The following ARHGAP44 variants were observed in gnomAD, a reference collection of about 807,000 sequenced individuals.
The protein encoded by ARHGAP44 is rho GTPase-activating protein 44.
Under a neutral mutation model 106.8 loss-of-function variants are expected in ARHGAP44, and 43 were observed. The observed-to-expected ratio is 0.40, with a 90% confidence interval of 0.32 to 0.52. The LOEUF is 0.52. ARHGAP44 is among the 20% of genes least tolerant of loss of function. The probability of loss-of-function intolerance (pLI) is 0.48; values close to 1 mark genes in which losing one functional copy is unlikely to be tolerated. For synonymous variants in ARHGAP44, 439 were observed against 410.3 expected (o/e 1.07, Z -0.85); for missense variants, 866 against 1,050.5 (o/e 0.82, Z 2.43).
At chr17:12,811,095 G>A (rs527500407) in intron 1 of ARHGAP44, among the ~76,000 whole-genome samples, 205 of 152,094 alleles carry the variant, frequency 1.3e-3, no homozygotes, top group Non-Finnish European at 2.3e-3. Context: ...GGCGGATCAC[G>A]AGGTCAGGAG....
At chr17:12,893,608 T>TGAGG (rs1275871909) in intron 1 of ARHGAP44, among the ~76,000 whole-genome samples, 3 of 152,178 alleles carry the variant, frequency 2.0e-5, no homozygotes, top group African/African-American at 7.2e-5. Flanking sequence ...CCCACACTGA[T>TGAGG]GAGGGGTACG....
chr17:12,967,142 C>T (rs1475682746), intron 16 of ARHGAP44, among the ~76,000 whole-genome samples: 2 of 136,406 alleles, frequency 1.5e-5, no homozygotes, highest in Non-Finnish European at 3.1e-5. Flanking sequence ...CTTTGTTTCT[C>T]TTTAATTTTT....
intron 7 of ARHGAP44, among the ~76,000 whole-genome samples, chr17:12,931,625 T>C (rs1035317146): frequency 6.6e-6 from 1 of 151,782 alleles, no homozygotes; most frequent in Non-Finnish European, 1.5e-5. Flanking sequence ...GCCTCCCAAG[T>C]AGCTGGGACT....
At chr17:12,905,720 A>G (rs1049513427) in intron 3 of ARHGAP44, among the ~76,000 whole-genome samples, 1 of 152,184 alleles carries the variant, frequency 6.6e-6, no homozygotes, top group African/African-American at 2.4e-5. Context: ...ACTATAGGCA[A>G]ATCCTCTCTT....
At chr17:12,806,533 A>G (rs1039850796) in intron 1 of ARHGAP44, among the ~76,000 whole-genome samples, 2 of 152,164 alleles carry the variant, frequency 1.3e-5, no homozygotes, top group East Asian at 3.9e-4. Context: ...CACCCTACTT[A>G]TAAGACATGG....
At chr17:12,913,283 A>G (rs962798088) in intron 4 of ARHGAP44, among the ~76,000 whole-genome samples, 4 of 152,202 alleles carry the variant, frequency 2.6e-5, no homozygotes, top group Non-Finnish European at 4.4e-5. Context: ...CAATATCTTA[A>G]CAGACAAACT....
chr17:12,840,653 C>T (rs981662078), intron 1 of ARHGAP44, among the ~76,000 whole-genome samples: 9 of 152,200 alleles, frequency 5.9e-5, no homozygotes, highest in African/African-American at 1.9e-4. Context: ...AGGTGCAGTT[C>T]CTGGGGGAGC....
intron 7 of ARHGAP44, among the ~76,000 whole-genome samples, chr17:12,937,452 A>G (rs2038581623): frequency 6.6e-6 from 1 of 151,906 alleles, no homozygotes; most frequent in Non-Finnish European, 1.5e-5. Context: ...GCCTCCATCA[A>G]CTCGTCAATT....
intron 4 of ARHGAP44, among the ~76,000 whole-genome samples, chr17:12,913,968 CAAAAAAAAA>C (rs58231055): frequency 3.2e-5 from 2 of 63,464 alleles, no homozygotes; most frequent in East Asian, 5.5e-4. Flanking sequence ...GATTTTGTCT[CAAAAAAAAA>C]AAAAAAAAAA....
At position 12,990,256 on chromosome 17, in the gene ARHGAP44, A is replaced by C; in HGVS notation, c.*85A>C. The C allele has an allele frequency of 2.0e-6, 3 of 1,502,504 alleles. No homozygotes were observed. Among genetic ancestry groups the C allele is most frequent in the Non-Finnish European group, 2.7e-6 (3 of 1,113,752 alleles). The allele number at this position is 1,502,504 out of a possible 1,614,324, so 93.1% of individuals were successfully genotyped here. A position where few individuals can be genotyped will look rare whatever the true frequency, so the allele number is the denominator to read the frequency against. ...AGGAGCAGCGTCCATGAGCTTGCCA[A>C]GTGTTCTCTGCTGGCTCTTTCCTGC... On this transcript the variant is annotated 3_prime_UTR_variant, in exon 21 of 21. Coordinates refer to ENST00000379672, the MANE Select transcript of ARHGAP44 (RefSeq NM_014859.6).
intron 1 of ARHGAP44, among the ~76,000 whole-genome samples, chr17:12,840,607 T>A (rs1006863733): frequency 6.6e-6 from 1 of 152,026 alleles, no homozygotes; most frequent in Non-Finnish European, 1.5e-5. Flanking sequence ...AGGAGAGGTA[T>A]TGGGATGGTT....
At chr17:12,850,167 A>G (rs1325328033) in intron 1 of ARHGAP44, among the ~76,000 whole-genome samples, 4 of 152,210 alleles carry the variant, frequency 2.6e-5, no homozygotes, top group African/African-American at 9.6e-5. Flanking sequence ...AACATTTTCC[A>G]ACCAGCTCCA....
Position 12,990,486 on chromosome 17 carries a change from G to A in ARHGAP44, c.*315G>A. The A allele has an allele frequency of 3.4e-6, 1 of 290,696 alleles. No individual in the cohort carries two copies. The highest frequency in any genetic ancestry group is 6.9e-6 in the Non-Finnish European group (1 of 145,134). 18.0% of individuals were successfully genotyped at this position (290,696 alleles called of 1,614,324 possible). On this transcript the variant is annotated 3_prime_UTR_variant, in exon 21 of 21. Coordinates refer to ENST00000379672, the MANE Select transcript of ARHGAP44 (RefSeq NM_014859.6). Reference sequence around the variant, plus strand: ...CCACCTCTCCATCCAAGGCTGGTCAGGAACGTCCTTTGCAGGGTCGGGGTG... The same window carrying A: ...CCACCTCTCCATCCAAGGCTGGTCAAGAACGTCCTTTGCAGGGTCGGGGTG...
At chr17:12,919,569 A>T (rs1476798729) in intron 5 of ARHGAP44, among the ~76,000 whole-genome samples, 186 bp from the exon 6 acceptor site, 1 of 152,096 alleles carries the variant, frequency 6.6e-6, no homozygotes, top group African/African-American at 2.4e-5. Context: ...TATTTTTAGT[A>T]GAGTCGGAGT....
chr17:12,876,737 CCT>C (rs1480235632), intron 1 of ARHGAP44, among the ~76,000 whole-genome samples: 1 of 151,588 alleles, frequency 6.6e-6, no homozygotes, highest in Admixed American at 6.6e-5. Context: ...ATGGTGAAAC[CCT>C]GTCTCTACTA....
chr17:12,977,378 C>G (rs1401575953), intron 18 of ARHGAP44, among the ~76,000 whole-genome samples: 1 of 152,058 alleles, frequency 6.6e-6, no homozygotes, highest in South Asian at 2.1e-4. Context: ...GTTCTGGCTC[C>G]CCCTCCCCTG....
At chr17:12,888,406 C>G (rs1309823332) in intron 1 of ARHGAP44, among the ~76,000 whole-genome samples, 2 of 152,118 alleles carry the variant, frequency 1.3e-5, no homozygotes, top group East Asian at 3.8e-4. Context: ...TCTTATGCTG[C>G]TGTTACTGAT....
In ARHGAP44 at chr17:12,990,451, CAG is replaced by C. The variant is rs879798475; in HGVS notation, c.*282_*283del. The C allele has an allele frequency of 0.12, 43,007 of 364,484 alleles. 3,028 individuals are homozygous for C. The highest frequency in any genetic ancestry group is 0.21 in the Middle Eastern group (242 of 1,138). The allele number at this position is 364,484 out of a possible 1,614,324, so 22.6% of individuals were successfully genotyped here. A position where few individuals can be genotyped will look rare whatever the true frequency, so the allele number is the denominator to read the frequency against. On this transcript the variant is annotated 3_prime_UTR_variant, in exon 21 of 21. Transcript: ENST00000379672. ...TTTGATCCACTTTCAGCCTCCATGC[CAG>C]AAAACACCCACCTCTCCATCCAAGG...
chr17:12,791,223 T>C (rs563369050), intron 1 of ARHGAP44, among the ~76,000 whole-genome samples: 93 of 152,164 alleles, frequency 6.1e-4, no homozygotes, highest in Non-Finnish European at 1.0e-3. Context: ...CCCAAACACA[T>C]GTGCTTTAAC....
Sources: gnomAD v4.1 joint callset for allele counts (sites outside exome capture counted in the v4.1 genomes callset) on GRCh38, gnomAD v4.1.1 for gene constraint, MANE v1.5 for transcripts, NCBI Gene and HGNC (gene_info 2026-07-23, HGNC 2026-07-21) for gene names.